The following SFXN3 variants were observed in gnomAD, a reference collection of about 807,000 sequenced individuals.
SFXN3 encodes the protein sideroflexin-3.
A neutral mutation model predicts 40.4 loss-of-function variants in SFXN3; 31 were observed. The observed-to-expected ratio is 0.77, with a 90% CI of 0.58 to 1.04. The LOEUF (loss-of-function observed/expected upper bound fraction) is 1.04. SFXN3 is among the 50% of genes least tolerant of loss of function. The pLI, the probability that SFXN3 is intolerant of heterozygous loss-of-function variation, is 0.00. For missense variants in SFXN3, 366 were observed against 408.2 expected, an observed-to-expected ratio of 0.90 and a Z score of 0.89; for synonymous variants, 157 against 160.0, an observed-to-expected ratio of 0.98 and a Z score of 0.14.
intron 3 of SFXN3, among the ~76,000 whole-genome samples, chr10:101,035,116 C>T (rs987473119): frequency 3.9e-5 from 6 of 152,232 alleles, no homozygotes; most frequent in African/African-American, 1.4e-4. Flanking sequence ...ATTGCGGGGT[C>T]ACCCTCTGCA....
chr10:101,033,736 A>G (rs1938442252), intron 2 of SFXN3, among the ~76,000 whole-genome samples: 2 of 152,166 alleles, frequency 1.3e-5, no homozygotes, highest in Admixed American at 1.3e-4. Context: ...TCATTATTTC[A>G]GCAAAAAGGA....
rs1938637201 is a variant in SFXN3 at position 101,036,923 on chromosome 10, G to A, written c.593+115G>A. Reference sequence around the variant, plus strand: ...TCCCTCCCCAGACATGAGCTGCTGGGCCCTGGCTCAGTCTGACCCTGGGAT... The same window carrying A: ...TCCCTCCCCAGACATGAGCTGCTGGACCCTGGCTCAGTCTGACCCTGGGAT... On this transcript the variant is annotated intron_variant, in intron 7 of 11. Transcript: ENST00000393459. This position sits in a 1 kb window ranked among gnomAD's most constrained non-coding sequence, Gnocchi z 4.2. The A allele has an allele frequency of 6.6e-7, 1 of 1,521,074 alleles. No individual in the cohort carries two copies. Among genetic ancestry groups the A allele is most frequent in the Admixed American group, 2.0e-5 (1 of 49,358 alleles). The allele number at this position is 1,521,074 out of a possible 1,614,324, so 94.2% of individuals were successfully genotyped here. A position where few individuals can be genotyped will look rare whatever the true frequency, so the allele number is the denominator to read the frequency against.
intron 9 of SFXN3, chr10:101,037,858 A>C: frequency 1.9e-6 from 2 of 1,064,642 alleles, no homozygotes; most frequent in East Asian, 7.7e-5. Flanking sequence ...TTATTCACAA[A>C]TGTATTGAGT....
exon 1 of SFXN3, chr10:101,031,326 G>GC (rs1262042178): frequency 6.6e-6 from 1 of 152,296 alleles, no homozygotes; most frequent in Non-Finnish European, 1.5e-5. Flanking sequence ...TGGTTCTGAC[G>GC]CCCTAGCTCA....
At chr10:101,032,788 G>T (rs907205449) in intron 2 of SFXN3, among the ~76,000 whole-genome samples, 1 of 152,204 alleles carries the variant, frequency 6.6e-6, no homozygotes, top group African/African-American at 2.4e-5. Context: ...TTGTGTGTGG[G>T]TATGTGAGTG....
In SFXN3 at chr10:101,036,871, G is replaced by T; in HGVS notation, c.593+63G>T. 6.3e-7 allele frequency: 1 copy of T among 1,583,870 alleles called. No homozygotes were observed. Among genetic ancestry groups the T allele is most frequent in the South Asian group, 1.1e-5 (1 of 88,542 alleles). ...ATGTAGCACACTGTCCATCCACGCAGACCACCTCAGAATGGGGACATCCCT... is the reference window on the plus strand; with the variant it reads ...ATGTAGCACACTGTCCATCCACGCATACCACCTCAGAATGGGGACATCCCT... On this transcript the variant is annotated intron_variant, in intron 7 of 11. Transcript: ENST00000393459. The surrounding 1 kb of genome is among the most constrained non-coding windows in gnomAD (Gnocchi z 4.2).
chr10:101,033,927 C>A (rs1938454343), intron 2 of SFXN3, among the ~76,000 whole-genome samples: 1 of 152,062 alleles, frequency 6.6e-6, no homozygotes, highest in Non-Finnish European at 1.5e-5. Flanking sequence ...GGCAGCATTA[C>A]TGCAAACATA....
Position 101,036,334 on chromosome 10 carries a change from A to G in SFXN3, c.432-152A>G. The G allele has an allele frequency of 2.5e-6, 2 of 810,244 alleles. No individual in the cohort carries two copies. The highest frequency in any genetic ancestry group is 2.7e-5 in the East Asian group (1 of 37,442). 50.2% of individuals were successfully genotyped at this position (810,244 alleles called of 1,614,324 possible). On this transcript the variant is annotated intron_variant, in intron 5 of 11. Transcript: ENST00000393459. The surrounding 1 kb of genome is among the most constrained non-coding windows in gnomAD (Gnocchi z 4.2). ...CACAGGGTGCTACTGGGGCTTCTAG[A>G]CAAGTTTACGCCGGAGATGGAGGGA...
intron 9 of SFXN3, chr10:101,037,756 A>AG: frequency 7.8e-7 from 1 of 1,287,174 alleles, no homozygotes; most frequent in Non-Finnish European, 9.9e-7. Flanking sequence ...CTCCATACTG[A>AG]GAGGTACACA....
In SFXN3 at chr10:101,036,936, C is replaced by G. The variant is rs927217625; in HGVS notation, c.593+128C>G. On this transcript the variant is annotated intron_variant, in intron 7 of 11. Transcript: ENST00000393459. This position sits in a 1 kb window ranked among gnomAD's most constrained non-coding sequence, Gnocchi z 4.2. ...ATGAGCTGCTGGGCCCTGGCTCAGT[C>G]TGACCCTGGGATCCTCAGGTGGGAG... is the stretch of plus-strand genomic sequence containing the variant. 11 of 1,520,210 alleles carry G rather than the reference C, an allele frequency of 7.2e-6. No individual in the cohort carries two copies. The South Asian group carries it at 1.0e-4, about 14-fold the overall frequency. The allele number at this position is 1,520,210 out of a possible 1,614,324, so 94.2% of individuals were successfully genotyped here. A position where few individuals can be genotyped will look rare whatever the true frequency, so the allele number is the denominator to read the frequency against.
At chr10:101,034,822 T>A (rs1289915159) in exon 3 of SFXN3, 2 of 1,614,202 alleles carry the variant, frequency 1.2e-6, no homozygotes, top group East Asian at 2.2e-5. Context: ...GGGGCACAGC[T>A]GGAAGCTTCT....
chr10:101,032,372 T>G, exon 2 of SFXN3: 1 of 1,377,802 alleles, frequency 7.3e-7, no homozygotes, highest in Non-Finnish European at 9.6e-7. Flanking sequence ...TGCCCCTCCC[T>G]GCTGGTCGGC....
rs1486763090 is a variant in SFXN3, at chr10:101,039,141, C to T, written c.822-34C>T. On this transcript the variant is annotated intron_variant, in intron 10 of 11. Coordinates refer to ENST00000393459, the Ensembl canonical transcript of SFXN3. This position sits in a 1 kb window ranked among gnomAD's most constrained non-coding sequence, Gnocchi z 4.6. Reference sequence around the variant, plus strand: ...GGGAGGGAACACCCTAAGGCCAAAGCTTTACAAACCTTTCCAACACTTGTC... The same window carrying T: ...GGGAGGGAACACCCTAAGGCCAAAGTTTTACAAACCTTTCCAACACTTGTC... 1.9e-6 allele frequency: 3 copies of T among 1,598,238 alleles called. No individual in the cohort carries two copies. In the South Asian group the frequency reaches 3.3e-5, roughly 18 times the overall value.
Position 101,039,044 on chromosome 10 carries a change from T to C in SFXN3, c.822-131T>C. The C allele has an allele frequency of 1.3e-6, 1 of 782,488 alleles. No individual in the cohort carries two copies. The highest frequency in any genetic ancestry group is 2.6e-5 in the East Asian group (1 of 37,906). 48.5% of individuals were successfully genotyped at this position (782,488 alleles called of 1,614,324 possible). A position where few individuals can be genotyped will look rare whatever the true frequency, so the allele number is the denominator to read the frequency against. On this transcript the variant is annotated intron_variant, in intron 10 of 11. Coordinates refer to ENST00000393459, the Ensembl canonical transcript of SFXN3. This position sits in a 1 kb window ranked among gnomAD's most constrained non-coding sequence, Gnocchi z 4.6. ...CTGATGTCCAGGTTGGGTTTACTAT[T>C]CCTAAAAGGTCCTTTCAGCTTTTAT... is the stretch of plus-strand genomic sequence containing the variant.
Position 101,039,282 on chromosome 10 carries a change from A to C in SFXN3, c.869+60A>C. On this transcript the variant is annotated intron_variant, in intron 11 of 11. Coordinates refer to ENST00000393459, the Ensembl canonical transcript of SFXN3. This position sits in a 1 kb window ranked among gnomAD's most constrained non-coding sequence, Gnocchi z 4.6. The stretch of plus-strand genomic sequence containing the variant: ...GGATTGGACTCTGCATCTCTGGACC[A>C]GCTGACCTAGGGTCTTCCAGGGTGT... 6.7e-7 allele frequency: 1 copy of C among 1,492,584 alleles called. No homozygotes were observed. Among genetic ancestry groups the C allele is most frequent in the Non-Finnish European group, 9.2e-7 (1 of 1,088,194 alleles). 92.5% of individuals were successfully genotyped at this position (1,492,584 alleles called of 1,614,324 possible). A position where few individuals can be genotyped will look rare whatever the true frequency, so the allele number is the denominator to read the frequency against.
intron 2 of SFXN3, 133 bp from the exon 3 acceptor site, chr10:101,034,559 C>A: frequency 1.1e-6 from 1 of 885,438 alleles, no homozygotes; most frequent in Non-Finnish European, 1.8e-6. Context: ...CTTTTCCCTA[C>A]ATCTAGTCAC....
At chr10:101,035,610 T>G (rs779730316) in exon 4 of SFXN3, 9 of 1,614,150 alleles carry the variant, frequency 5.6e-6, no homozygotes, top group South Asian at 2.2e-5. Flanking sequence ...ATTGGCCGCA[T>G]GTCAGCCCAG....
intron 2 of SFXN3, among the ~76,000 whole-genome samples, chr10:101,032,983 G>A (rs1412094838): frequency 6.6e-6 from 1 of 152,208 alleles, no homozygotes; most frequent in Non-Finnish European, 1.5e-5. Flanking sequence ...AGGTGGATGA[G>A]TGTCTGTGCC....
intron 9 of SFXN3, chr10:101,037,708 A>C: frequency 2.2e-6 from 3 of 1,387,272 alleles, no homozygotes; most frequent in Non-Finnish European, 2.8e-6. Flanking sequence ...TGTCATAGTC[A>C]TGCTTGATCT....
Sources: allele counts gnomAD v4.1 joint callset (sites outside exome capture counted in the v4.1 genomes callset), GRCh38; gene constraint gnomAD v4.1.1; non-coding constraint Gnocchi (gnomAD v3.1); transcripts MANE v1.5; gene names NCBI Gene and HGNC (gene_info 2026-07-23, HGNC 2026-07-21).